Variants in SHISA9 observed in about 807,000 individuals in gnomAD.
SHISA9 encodes shisa family member 9.
A neutral mutation model predicts 38.0 loss-of-function variants in SHISA9; 13 were observed. That is an observed-to-expected ratio of 0.34 (90% confidence interval 0.22 to 0.54). The LOEUF is 0.54. SHISA9 is among the 20% of genes least tolerant of loss of function. SHISA9 has a pLI of 0.91. For missense variants in SHISA9, 538 were observed against 575.8 expected, an observed-to-expected ratio of 0.93 and a Z score of 0.67; for synonymous variants, 275 against 242.0, an observed-to-expected ratio of 1.14 and a Z score of -1.27.
chr16:12,964,009 A>G (rs2071945687), intron 2 of SHISA9, among the ~76,000 whole-genome samples: 1 of 152,246 alleles, frequency 6.6e-6, no homozygotes, highest in African/African-American at 2.4e-5. Context: ...CCTGTGAACA[A>G]GGAATCTTCA....
chr16:13,376,673 G>C, the SHISA9 span, among the ~76,000 whole-genome samples: 2 of 152,086 alleles, frequency 1.3e-5, no homozygotes, highest in Admixed American at 6.5e-5. Flanking sequence ...CCCTTATTCT[G>C]TAAATTATAG....
chr16:13,373,332 A>G, the SHISA9 span, among the ~76,000 whole-genome samples: 1 of 152,212 alleles, frequency 6.6e-6, no homozygotes, highest in Non-Finnish European at 1.5e-5. Context: ...TCTACAAATA[A>G]CAAGAAAAAA....
At chr16:13,102,236 G>C (rs950143317) in intron 2 of SHISA9, among the ~76,000 whole-genome samples, 3 of 152,178 alleles carry the variant, frequency 2.0e-5, no homozygotes, top group Admixed American at 6.5e-5. Flanking sequence ...TCAATGATCA[G>C]TTATGATTGT....
At chr16:13,420,466 C>T in the SHISA9 span, among the ~76,000 whole-genome samples, 1 of 151,822 alleles carries the variant, frequency 6.6e-6, no homozygotes, top group Admixed American at 6.6e-5. Flanking sequence ...GATGAAGAAA[C>T]CAGAAATGTC....
intron 2 of SHISA9, among the ~76,000 whole-genome samples, chr16:12,947,414 C>T (rs886185839): frequency 2.6e-5 from 4 of 152,116 alleles, no homozygotes; most frequent in African/African-American, 7.2e-5. Flanking sequence ...GCATGTTAAA[C>T]GCAAATGCAT....
chr16:12,956,011 G>A (rs960533262), intron 2 of SHISA9, among the ~76,000 whole-genome samples: 6 of 152,108 alleles, frequency 3.9e-5, no homozygotes, highest in African/African-American at 1.2e-4. Context: ...TTGTGCCTCC[G>A]ACAAAAGAGT....
intron 2 of SHISA9, among the ~76,000 whole-genome samples, chr16:13,180,379 C>G (rs377547828): frequency 4.1e-4 from 62 of 152,308 alleles, no homozygotes; most frequent in South Asian, 2.7e-3. Context: ...CTGTCCATGG[C>G]TGACCTTGGT....
At chr16:13,412,284 A>G in the SHISA9 span, among the ~76,000 whole-genome samples, 11 of 152,168 alleles carry the variant, frequency 7.2e-5, no homozygotes, top group Non-Finnish European at 1.2e-4. Flanking sequence ...GGTCAGCACC[A>G]CATGAGTTAC....
At chr16:13,398,523 C>A in the SHISA9 span, among the ~76,000 whole-genome samples, 1 of 144,742 alleles carries the variant, frequency 6.9e-6, no homozygotes, top group Non-Finnish European at 1.5e-5. Flanking sequence ...TTTTTTGACA[C>A]AGATTCTTGC....
chr16:13,247,934 A>G, the SHISA9 span, among the ~76,000 whole-genome samples: 2 of 152,236 alleles, frequency 1.3e-5, no homozygotes, highest in Non-Finnish European at 2.9e-5. Flanking sequence ...TAAAGAGGCA[A>G]TTTACAATGT....
chr16:13,259,597 ATCT>A, the SHISA9 span, among the ~76,000 whole-genome samples: 4 of 152,314 alleles, frequency 2.6e-5, no homozygotes, highest in East Asian at 3.9e-4. Context: ...GTTTCCACAC[ATCT>A]TCTGAAATCT....
chr16:13,325,285 G>T, the SHISA9 span, among the ~76,000 whole-genome samples: 11 of 152,314 alleles, frequency 7.2e-5, no homozygotes, highest in African/African-American at 2.6e-4. Context: ...GACAGAGTCA[G>T]ATTGCAATTT....
intron 2 of SHISA9, among the ~76,000 whole-genome samples, chr16:13,036,356 G>A (rs2073063224): frequency 6.6e-6 from 1 of 152,186 alleles, no homozygotes; most frequent in South Asian, 2.1e-4. Context: ...ATGCAGAGAG[G>A]AAGAAGGCAG....
chr16:13,242,160 G>A (rs773537207), downstream of SHISA9, among the ~76,000 whole-genome samples: 1 of 152,206 alleles, frequency 6.6e-6, no homozygotes, highest in Non-Finnish European at 1.5e-5. Context: ...TTTGAGTAAT[G>A]CTCCTAAAGC....
At chr16:12,933,923 G>A (rs2071493791) in intron 2 of SHISA9, among the ~76,000 whole-genome samples, 1 of 152,168 alleles carries the variant, frequency 6.6e-6, no homozygotes, top group African/African-American at 2.4e-5. Context: ...GGAGGAAAAT[G>A]AGGAAGGTGA....
the SHISA9 span, among the ~76,000 whole-genome samples, chr16:13,438,298 G>T: frequency 6.6e-6 from 1 of 152,156 alleles, no homozygotes; most frequent in Non-Finnish European, 1.5e-5. Context: ...TTTAGACGAG[G>T]TTAAGTATGC....
the SHISA9 span, among the ~76,000 whole-genome samples, chr16:13,248,663 G>T: frequency 6.6e-6 from 1 of 152,132 alleles, no homozygotes; most frequent in Non-Finnish European, 1.5e-5. Flanking sequence ...ACAAACTTGG[G>T]CTTTTATTAA....
the SHISA9 span, among the ~76,000 whole-genome samples, chr16:13,417,723 C>G: frequency 6.6e-6 from 1 of 152,228 alleles, no homozygotes; most frequent in South Asian, 2.1e-4. Context: ...CAAAGACAGC[C>G]TGTGCCTGGA....
At chr16:13,039,399 C>G (rs2073108604) in intron 2 of SHISA9, among the ~76,000 whole-genome samples, 1 of 151,922 alleles carries the variant, frequency 6.6e-6, no homozygotes, top group African/African-American at 2.4e-5. Flanking sequence ...ATTAAAGAAC[C>G]TCCACTTCCA....
Sources: gnomAD v4.1 joint callset for allele counts (sites outside exome capture counted in the v4.1 genomes callset) on GRCh38, gnomAD v4.1.1 for gene constraint, MANE v1.5 for transcripts, NCBI Gene and HGNC (gene_info 2026-07-23, HGNC 2026-07-21) for gene names.